Variants in IGBP1 observed in about 807,000 individuals in gnomAD.
IGBP1 encodes immunoglobulin-binding protein 1.
A neutral mutation model predicts 25.9 loss-of-function variants in IGBP1; 2 were observed. The observed-to-expected ratio is 0.08, with a 90% confidence interval of 0.03 to 0.24. The LOEUF (loss-of-function observed/expected upper bound fraction) is 0.24. Ranked by LOEUF, IGBP1 falls within the 10% of genes least tolerant of loss-of-function variation. IGBP1 has a pLI of 1.00. For missense variants in IGBP1, 187 were observed against 260.4 expected (o/e 0.72, Z 1.94); for synonymous variants, 96 against 93.4 (o/e 1.03, Z -0.16).
chrX:70,140,475 T>A (rs2085122713), intron 3 of IGBP1, among the ~76,000 whole-genome samples: 1 of 112,291 alleles, frequency 8.9e-6, no homozygotes, highest in South Asian at 3.6e-4. Context: ...AGTTAGCATG[T>A]TATAATAGTA....
At chrX:70,146,062 A>G (rs2085164391) in intron 3 of IGBP1, among the ~76,000 whole-genome samples, 4 of 111,964 alleles carry the variant, frequency 3.6e-5, no homozygotes, top group African/African-American at 1.3e-4. Context: ...CATTTGTCAG[A>G]TGACATACTA....
intron 6 of IGBP1, among the ~76,000 whole-genome samples, chrX:70,153,445 G>A (rs867418779): frequency 4.5e-5 from 5 of 111,799 alleles, no homozygotes; most frequent in African/African-American, 1.3e-4. Flanking sequence ...AAAACTATAC[G>A]TAGCTTCTCA....
At position 70,133,906 on chromosome X, in the gene IGBP1, T is replaced by C. The variant is rs1224062185; in HGVS notation, c.-42T>C. On this transcript the variant is annotated 5_prime_UTR_variant, in exon 2 of 7. Coordinates refer to ENST00000356413, the MANE Select transcript of IGBP1 (RefSeq NM_001551.3). ...AATTCTTCTTTATCAAGGTTGCCTTTGACCCCGGAAAAGAGATCTTCCGGG... is the reference window on the plus strand; with the variant it reads ...AATTCTTCTTTATCAAGGTTGCCTTCGACCCCGGAAAAGAGATCTTCCGGG... The C allele has an allele frequency of 1.7e-6, 2 of 1,172,628 alleles. No homozygotes were observed. Among genetic ancestry groups the C allele is most frequent in the African/African-American group, 1.8e-5 (1 of 56,944 alleles).
At chrX:70,150,184 T>C in intron 5 of IGBP1, 26 bp from the exon 6 acceptor site, 1 of 951,686 alleles carries the variant, frequency 1.1e-6, no homozygotes, top group Admixed American at 2.2e-5. Flanking sequence ...TTTTTTTGTT[T>C]TCTAAATGCA....
chrX:70,136,219 C>T (rs2085093956), intron 3 of IGBP1, among the ~76,000 whole-genome samples: 1 of 111,614 alleles, frequency 9.0e-6, no homozygotes, highest in Admixed American at 9.6e-5. Context: ...AATAATGGTA[C>T]AGATGGTCCC....
At chrX:70,135,651 T>C (rs1282281819) in intron 3 of IGBP1, among the ~76,000 whole-genome samples, 2 of 111,403 alleles carry the variant, frequency 1.8e-5, no homozygotes, top group Non-Finnish European at 3.8e-5. Flanking sequence ...ATGTAAAGCC[T>C]TAGTAAAGCC....
chrX:70,154,276 G>A (rs1342674178), intron 6 of IGBP1, among the ~76,000 whole-genome samples: 2 of 105,342 alleles, frequency 1.9e-5, no homozygotes, highest in East Asian at 6.0e-4. Flanking sequence ...GTTTCATTGT[G>A]TTAGCCAGGA....
chrX:70,157,759 G>C (rs2085250217), intron 6 of IGBP1, among the ~76,000 whole-genome samples: 1 of 111,890 alleles, frequency 8.9e-6, no homozygotes. Context: ...ACCCTTAGTT[G>C]GGGATCATGA....
Position 70,134,600 on chromosome X carries a change from C to T in IGBP1, c.266C>T (p.Thr89Ile), listed in dbSNP as rs2085083881. The change falls in exon 3 of 7, where the codon ACC becomes ATC. Residue 89 changes from threonine (T) to isoleucine (I), a missense_variant. By Grantham distance (89) the Thr-to-Ile change is moderately conservative. Transcript: ENST00000356413. ...GTGCCAGCGTTTCAAGGAGCCCTCA[C>T]CATGAAACAAGTCAACCCCAGCAAG... is the stretch of plus-strand genomic sequence containing the variant. Reference protein sequence around the residue: ...LLVPAFQGALTMKQVNPSKRL... With the variant: ...LLVPAFQGALIMKQVNPSKRL... 6 of 1,210,061 alleles carry T rather than the reference C, an allele frequency of 5.0e-6. No homozygotes were observed. Among genetic ancestry groups the T allele is most frequent in the Non-Finnish European group, 5.6e-6 (5 of 894,889 alleles).
intron 3 of IGBP1, 34 bp downstream of exon 3, chrX:70,134,850 A>G (rs760996191): frequency 1.8e-5 from 21 of 1,165,331 alleles, no homozygotes; most frequent in Middle Eastern, 2.3e-4. Flanking sequence ...GGCCTGCCCA[A>G]TGGCGGTGCT....
intron 6 of IGBP1, among the ~76,000 whole-genome samples, chrX:70,158,654 A>C (rs929216776): frequency 1.8e-5 from 2 of 110,072 alleles, no homozygotes; most frequent in Non-Finnish European, 1.9e-5. Flanking sequence ...CAAGATGGTG[A>C]AACCCCGTCT....
chrX:70,152,419 C>T (rs2085208868), intron 6 of IGBP1, among the ~76,000 whole-genome samples: 1 of 111,371 alleles, frequency 9.0e-6, no homozygotes, highest in Non-Finnish European at 1.9e-5. Context: ...GGAATCTCTA[C>T]AATATATCAT....
At chrX:70,141,165 G>T (rs753332534) in intron 3 of IGBP1, among the ~76,000 whole-genome samples, 1 of 110,032 alleles carries the variant, frequency 9.1e-6, no homozygotes, top group African/African-American at 3.3e-5. Context: ...CCAAGGTGGC[G>T]AAACCCCGTC....
rs554198356 is a variant in IGBP1, at chrX:70,147,673, G to A, written c.678+845G>A. On this transcript the variant is annotated intron_variant, in intron 4 of 6. Transcript: ENST00000356413. The stretch of plus-strand genomic sequence containing the variant: ...CATGCACAGAATGTCCAGTAAACTG[G>A]TAAAGAAACCTGGTGTAACAGCTTT... Among the ~76,000 whole-genome samples, 3 of 112,097 alleles carry A rather than the reference G, an allele frequency of 2.7e-5. No individual in the cohort carries two copies. The South Asian group carries it at 1.1e-3, about 42-fold the overall frequency.
intron 6 of IGBP1, among the ~76,000 whole-genome samples, chrX:70,159,419 A>G (rs950919335): frequency 9.0e-6 from 1 of 111,703 alleles, no homozygotes; most frequent in Non-Finnish European, 1.9e-5. Flanking sequence ...GCGCGGGGGG[A>G]ATCTCTTGGT....
chrX:70,153,011 A>T (rs1044277681), intron 6 of IGBP1, among the ~76,000 whole-genome samples: 1 of 112,196 alleles, frequency 8.9e-6, no homozygotes, highest in Non-Finnish European at 1.9e-5. Flanking sequence ...ACATAGGCAC[A>T]TTATAGTCAA....
chrX:70,155,031 TAAAC>T (rs2085230820), intron 6 of IGBP1, among the ~76,000 whole-genome samples: 1 of 111,860 alleles, frequency 8.9e-6, no homozygotes, highest in Non-Finnish European at 1.9e-5. Flanking sequence ...CAATGCAAAT[TAAAC>T]AACACTGAGA....
At chrX:70,139,423 C>T (rs1784545500) in intron 3 of IGBP1, among the ~76,000 whole-genome samples, 1 of 111,116 alleles carries the variant, frequency 9.0e-6, no homozygotes, top group Admixed American at 9.5e-5. Context: ...GAACGTTTTT[C>T]TTAAATGCCT....
At chrX:70,162,001 GAT>G (rs2085273211) in intron 6 of IGBP1, among the ~76,000 whole-genome samples, 1 of 111,739 alleles carries the variant, frequency 8.9e-6, no homozygotes, top group Non-Finnish European at 1.9e-5. Flanking sequence ...AGGGAGAAGA[GAT>G]AAATCTCCCC....
Sources: gnomAD v4.1 joint callset for allele counts (sites outside exome capture counted in the v4.1 genomes callset) on GRCh38, gnomAD v4.1.1 for gene constraint, MANE v1.5 for transcripts, NCBI Gene and HGNC (gene_info 2026-07-23, HGNC 2026-07-21) for gene names.